ZNF532: variants seen among roughly 807,000 people sequenced by gnomAD.
The protein encoded by ZNF532 is zinc finger protein 532.
In ZNF532, 22 loss-of-function variants were observed where a neutral mutation model predicts 89.3. The ratio of observed to expected loss-of-function variants is 0.25; its 90% CI spans 0.18 to 0.35. The LOEUF (loss-of-function observed/expected upper bound fraction) is 0.35. ZNF532 is among the 10% of genes least tolerant of loss of function. ZNF532 has a pLI of 1.00. For synonymous variants in ZNF532, 606 were observed against 649.6 expected, an observed-to-expected ratio of 0.93 and a Z score of 1.02; for missense variants, 1,132 against 1,643.4, an observed-to-expected ratio of 0.69 and a Z score of 5.38.
chr18:58,918,390 G>A lies in ZNF532; in HGVS notation c.103G>A (p.Asp35Asn), dbSNP rs1377659916. 3.1e-6 allele frequency: 5 copies of A among 1,614,016 alleles called. No individual in the cohort carries two copies. The highest frequency in any genetic ancestry group is 3.3e-5 in the Admixed American group (2 of 59,996). ...DPKAAIESGH[D>N]DHESHMKQNA... ...TAAAGCAGCTATTGAGTCTGGACACGATGACCATGAAAGCCACATGAAGCA... is the reference window on the plus strand; with the variant it reads ...TAAAGCAGCTATTGAGTCTGGACACAATGACCATGAAAGCCACATGAAGCA... Residue 35 changes from aspartate (D) to asparagine (N), a missense_variant, in exon 3 of 10, where the codon GAT becomes AAT. Asp to Asn is a conservative substitution (Grantham distance 23, BLOSUM62 1). Around this residue, in one of 9 missense-constraint regions of ZNF532, gnomAD observed 302 missense variants for 319.8 expected, o/e 0.94. Coordinates refer to ENST00000591808, the MANE Select transcript of ZNF532 (RefSeq NM_001375912.1).
chr18:58,980,830 CAG>C (rs1047032409), intron 8 of ZNF532: 4 of 152,348 alleles, frequency 2.6e-5, no homozygotes, highest in African/African-American at 9.7e-5. Context: ...TTAGTAGAGA[CAG>C]AGTTTCTCCA....
intron 2 of ZNF532, among the ~76,000 whole-genome samples, chr18:58,893,239 A>G (rs1367638871): frequency 6.6e-6 from 1 of 152,106 alleles, no homozygotes; most frequent in Non-Finnish European, 1.5e-5. Context: ...CGGCCTGCCA[A>G]AGTGCTGGGA....
In ZNF532 at chr18:58,948,180, A is replaced by T. The variant is rs1229281655; in HGVS notation, c.2819A>T (p.Asp940Val). The change falls in exon 6 of 10, where the codon GAC becomes GTC. Residue 940 changes from aspartate (D) to valine (V), a missense_variant. Physicochemically the swap from Asp to Val is radical, Grantham distance 152. Transcript: ENST00000591808. The part of the protein sequence containing the change: ...NQKVSVFKCP[D>V]CSLLYAQKQL... ...AAGGTGTCTGTTTTCAAGTGTCCAG[A>T]CTGTTCTCTTTTATATGCACAGAAG... 1 of 1,613,890 alleles carries T rather than the reference A, an allele frequency of 6.2e-7. No homozygotes were observed. Among genetic ancestry groups the T allele is most frequent in the South Asian group, 1.1e-5 (1 of 91,018 alleles).
chr18:58,924,046 G>A (rs904218322), intron 3 of ZNF532, among the ~76,000 whole-genome samples: 6 of 152,200 alleles, frequency 3.9e-5, no homozygotes, highest in South Asian at 2.1e-4. Context: ...TAGTAGAGAC[G>A]GGGTTTCACC....
intron 2 of ZNF532, among the ~76,000 whole-genome samples, chr18:58,894,665 G>A (rs2059134058): frequency 6.6e-6 from 1 of 151,966 alleles, no homozygotes; most frequent in Non-Finnish European, 1.5e-5. Flanking sequence ...CTTTTGTGTG[G>A]TCTTGATCTT....
intron 5 of ZNF532, among the ~76,000 whole-genome samples, chr18:58,946,174 T>C (rs1345587765): frequency 6.6e-6 from 1 of 152,188 alleles, no homozygotes; most frequent in African/African-American, 2.4e-5. Flanking sequence ...CTATGCCCTT[T>C]AAAAAATGTG....
intron 3 of ZNF532, among the ~76,000 whole-genome samples, chr18:58,922,827 A>C (rs2061222749): frequency 1.3e-5 from 2 of 152,124 alleles, no homozygotes; most frequent in South Asian, 4.1e-4. Context: ...TGTCTGTCTG[A>C]GACCTCCTTC....
chr18:58,972,011 C>G (rs1362829364), intron 7 of ZNF532, among the ~76,000 whole-genome samples: 2 of 152,184 alleles, frequency 1.3e-5, no homozygotes. Context: ...TGAGACCTGC[C>G]TGGGCAACAT....
intron 3 of ZNF532, chr18:58,932,444 A>G (rs1340984286): frequency 3.3e-5 from 5 of 152,208 alleles, no homozygotes; most frequent in African/African-American, 9.7e-5. Context: ...AAGTAGTGCA[A>G]TCACATTACT....
chr18:58,946,382 T>A (rs2146866231), intron 5 of ZNF532, among the ~76,000 whole-genome samples: 1 of 149,776 alleles, frequency 6.7e-6, no homozygotes, highest in Non-Finnish European at 1.5e-5. Context: ...AACCTCTGCC[T>A]CCTGGGCCCA....
At chr18:58,915,690 G>T (rs2060551998) in intron 2 of ZNF532, among the ~76,000 whole-genome samples, 1 of 152,176 alleles carries the variant, frequency 6.6e-6, no homozygotes, top group South Asian at 2.1e-4. Context: ...AAGGTGAGAA[G>T]AGCCATATTA....
At position 58,980,554 on chromosome 18, in the gene ZNF532, T is replaced by G. The variant is rs552101772; in HGVS notation, c.3264-916T>G. ...CTCCGAAGCTATTTTGAAGGCAGATTTGAGACCACAAGAGACTTTTTGTCC... is the reference window on the plus strand; with the variant it reads ...CTCCGAAGCTATTTTGAAGGCAGATGTGAGACCACAAGAGACTTTTTGTCC... On this transcript the variant is annotated intron_variant, in intron 8 of 9. Transcript: ENST00000591808. 2.0e-5 allele frequency: 3 copies of G among 152,392 alleles called. No individual in the cohort carries two copies. In the East Asian group the frequency reaches 5.8e-4, roughly 29 times the overall value. 9.4% of individuals were successfully genotyped at this position (152,392 alleles called of 1,614,324 possible). A position where few individuals can be genotyped will look rare whatever the true frequency, so the allele number is the denominator to read the frequency against.
chr18:58,981,733 C>T, intron 9 of ZNF532, 116 bp downstream of exon 9: 1 of 1,400,258 alleles, frequency 7.1e-7, no homozygotes, highest in Non-Finnish European at 9.8e-7. Flanking sequence ...TTCAGACTGG[C>T]TGGGTGCGGT....
At chr18:58,912,056 C>T (rs903303386) in intron 2 of ZNF532, among the ~76,000 whole-genome samples, 2 of 152,030 alleles carry the variant, frequency 1.3e-5, no homozygotes, top group Non-Finnish European at 1.5e-5. Flanking sequence ...ACTTTTATAA[C>T]CTTGAGGGAG....
At chr18:58,875,522 C>T (rs1157109912) in intron 2 of ZNF532, among the ~76,000 whole-genome samples, 1 of 152,122 alleles carries the variant, frequency 6.6e-6, no homozygotes. Context: ...GCTAGTTTGG[C>T]CCCTTTTTCT....
chr18:58,886,953 C>T (rs551120657), intron 2 of ZNF532, among the ~76,000 whole-genome samples: 1 of 152,320 alleles, frequency 6.6e-6, no homozygotes, highest in South Asian at 2.1e-4. Flanking sequence ...GATGTTCTTT[C>T]ATTAGCTTGT....
chr18:58,914,788 T>C (rs2060491903), intron 2 of ZNF532, among the ~76,000 whole-genome samples: 1 of 152,254 alleles, frequency 6.6e-6, no homozygotes, highest in Admixed American at 6.5e-5. Context: ...CTAATTCTGT[T>C]TGAAAATCAA....
intron 2 of ZNF532, among the ~76,000 whole-genome samples, chr18:58,913,259 T>C (rs2060392441): frequency 6.6e-6 from 1 of 152,194 alleles, no homozygotes; most frequent in Non-Finnish European, 1.5e-5. Context: ...AGAATTTGAA[T>C]GTAGGCAGCC....
intron 5 of ZNF532, among the ~76,000 whole-genome samples, chr18:58,943,158 C>CTTTTT (rs11289347): frequency 8.1e-6 from 1 of 123,122 alleles, no homozygotes; most frequent in Admixed American, 8.7e-5. Flanking sequence ...ATTACTATAT[C>CTTTTT]TTTTTTTTTT....
Sources: gnomAD v4.1 joint callset for allele counts (sites outside exome capture counted in the v4.1 genomes callset) on GRCh38, gnomAD v4.1.1 for gene constraint, gnomAD v4.1.1 regional missense constraint, MANE v1.5 for transcripts, NCBI Gene and HGNC (gene_info 2026-07-23, HGNC 2026-07-21) for gene names.